DLG2: variants seen among roughly 807,000 people sequenced by gnomAD.
DLG2 encodes disks large homolog 2.
DLG2 carries 45 observed loss-of-function variants against 132.5 expected under a neutral mutation model. That is an observed-to-expected ratio of 0.34 (90% confidence interval 0.27 to 0.44). The LOEUF is 0.44. Ranked by LOEUF, DLG2 falls within the 20% of genes least tolerant of loss-of-function variation. DLG2 has a pLI of 1.00. For synonymous variants in DLG2, 424 were observed against 419.6 expected, an observed-to-expected ratio of 1.01 and a Z score of -0.13; for missense variants, 1,045 against 1,196.9, an observed-to-expected ratio of 0.87 and a Z score of 1.87.
chr11:84,441,501 C>T (rs2099017232), intron 7 of DLG2, among the ~76,000 whole-genome samples: 1 of 152,066 alleles, frequency 6.6e-6, no homozygotes, highest in African/African-American at 2.4e-5. Context: ...TATTTAACTT[C>T]AATTCAGAGG....
intron 8 of DLG2, among the ~76,000 whole-genome samples, chr11:84,185,698 G>C (rs1391174739): frequency 2.0e-5 from 3 of 152,110 alleles, no homozygotes; most frequent in African/African-American, 7.2e-5. Flanking sequence ...GTATGATATT[G>C]GCTGTGGGTT....
In DLG2 at chr11:83,753,835, GAT is replaced by G. The variant is rs1203101494; in HGVS notation, c.1825+32853_1825+32854del. Among the ~76,000 whole-genome samples, 230 of 18,348 alleles carry G rather than the reference GAT, an allele frequency of 0.013. 32 individuals carry two copies. The African/African-American group carries it at 0.13, about 10-fold the overall frequency. 12.0% of individuals were successfully genotyped at this position (18,348 alleles called of 152,430 possible). On this transcript the variant is annotated intron_variant, in intron 18 of 27. Transcript: ENST00000376104. The stretch of plus-strand genomic sequence containing the variant: ...TCATATATATATTTCATATATATAT[GAT>G]ATATATCATATATATCATATATATA...
At chr11:85,163,874 A>C (rs1396442360) in intron 4 of DLG2, among the ~76,000 whole-genome samples, 1 of 152,148 alleles carries the variant, frequency 6.6e-6, no homozygotes, top group Non-Finnish European at 1.5e-5. Flanking sequence ...AAATTGACAT[A>C]AGGCAGCTTA....
chr11:85,455,586 G>C (rs2092396178), intron 3 of DLG2, among the ~76,000 whole-genome samples: 1 of 152,038 alleles, frequency 6.6e-6, no homozygotes, highest in South Asian at 2.1e-4. Flanking sequence ...GAGAGAGGGT[G>C]TACTGGTCTC....
At chr11:83,810,852 T>G (rs532328694) in intron 17 of DLG2, among the ~76,000 whole-genome samples, 72 of 152,238 alleles carry the variant, frequency 4.7e-4, no homozygotes, top group African/African-American at 1.6e-3. Context: ...AGATAGCCTC[T>G]GTTCTTGAGG....
intron 6 of DLG2, among the ~76,000 whole-genome samples, chr11:84,984,332 T>C (rs2056186595): frequency 6.6e-6 from 1 of 152,168 alleles, no homozygotes; most frequent in African/African-American, 2.4e-5. Context: ...ATATTCAGCC[T>C]CCTTAAATAA....
intron 17 of DLG2, among the ~76,000 whole-genome samples, chr11:83,814,029 T>C (rs1426243163): frequency 2.0e-5 from 3 of 152,132 alleles, no homozygotes; most frequent in East Asian, 1.9e-4. Context: ...TATTTTTACA[T>C]TGTAGAGAAA....
intron 6 of DLG2, among the ~76,000 whole-genome samples, chr11:84,628,659 T>A (rs1469816622): frequency 6.6e-6 from 1 of 152,218 alleles, no homozygotes; most frequent in Non-Finnish European, 1.5e-5. Context: ...TTCTTGAAAC[T>A]TGCATGAATT....
rs141108544 is a variant in DLG2 at position 84,041,213 on chromosome 11, G to A, written c.919+18102C>T. On this transcript the variant is annotated intron_variant, in intron 11 of 27. Coordinates refer to ENST00000376104, the MANE Select transcript of DLG2 (RefSeq NM_001142699.3). Reference sequence around the variant, plus strand: ...ATTGTAGCTATTCTTTTGTCATTTAGATTTTTTTGGTTCGATTTTTGCCAC... The same window carrying A: ...ATTGTAGCTATTCTTTTGTCATTTAAATTTTTTTGGTTCGATTTTTGCCAC... 2.0e-5 allele frequency among the ~76,000 whole-genome samples: 3 copies of A among 151,940 alleles called. No individual in the cohort carries two copies. In the Admixed American group the frequency reaches 2.0e-4, roughly 10 times the overall value.
At chr11:85,556,757 T>C (rs2076960477) in intron 3 of DLG2, among the ~76,000 whole-genome samples, 1 of 151,820 alleles carries the variant, frequency 6.6e-6, no homozygotes, top group Admixed American at 6.6e-5. Flanking sequence ...AACAGCAAAA[T>C]GCCTCACAAT....
intron 6 of DLG2, among the ~76,000 whole-genome samples, chr11:84,711,331 A>G (rs1459219919): frequency 9.2e-4 from 12 of 13,010 alleles, no homozygotes; most frequent in African/African-American, 5.3e-3. Context: ...AGAACCAGTA[A>G]GAGAGAGAGA....
chr11:84,638,840 C>T (rs961261398), intron 6 of DLG2, among the ~76,000 whole-genome samples: 16 of 152,016 alleles, frequency 1.1e-4, no homozygotes, highest in Admixed American at 3.3e-4. Flanking sequence ...GTCAACATGC[C>T]GTTGATACTG....
intron 3 of DLG2, among the ~76,000 whole-genome samples, chr11:85,461,860 C>T (rs1185468315): frequency 6.6e-6 from 1 of 152,092 alleles, no homozygotes; most frequent in African/African-American, 2.4e-5. Context: ...TCAGAGTGAA[C>T]AGGCAACCTA....
At chr11:84,345,082 G>T (rs146382155) in intron 7 of DLG2, among the ~76,000 whole-genome samples, 1 of 152,132 alleles carries the variant, frequency 6.6e-6, no homozygotes, top group Non-Finnish European at 1.5e-5. Context: ...GGGTCCAATC[G>T]CATTAGAAAT....
chr11:84,980,021 A>G (rs1423469746), intron 6 of DLG2, among the ~76,000 whole-genome samples: 1 of 152,126 alleles, frequency 6.6e-6, no homozygotes, highest in Non-Finnish European at 1.5e-5. Context: ...AAGGTTTTCA[A>G]GGGTTTCAAA....
At chr11:85,179,497 G>A (rs1176664848) in intron 4 of DLG2, among the ~76,000 whole-genome samples, 1 of 151,608 alleles carries the variant, frequency 6.6e-6, no homozygotes, top group Non-Finnish European at 1.5e-5. Context: ...ATTTGAGAAA[G>A]ATAAATATAA....
chr11:83,532,877 T>G, intron 20 of DLG2, 94 bp from the exon 21 acceptor site: 1 of 1,009,884 alleles, frequency 9.9e-7, no homozygotes, highest in East Asian at 2.4e-5. Flanking sequence ...CTCCTATCCT[T>G]GAAGCTCAAA....
chr11:85,360,015 A>G (rs2084022309), intron 3 of DLG2, among the ~76,000 whole-genome samples: 1 of 152,088 alleles, frequency 6.6e-6, no homozygotes. Context: ...CAGCTCACAC[A>G]CCCTGCATAC....
chr11:84,273,233 C>T (rs767372444), intron 7 of DLG2: 16 of 1,562,320 alleles, frequency 1.0e-5, no homozygotes, highest in Middle Eastern at 1.7e-4. Flanking sequence ...ATTCTCAGCC[C>T]GAGAAACACT....
Sources: gnomAD v4.1 joint callset for allele counts (sites outside exome capture counted in the v4.1 genomes callset) on GRCh38, gnomAD v4.1.1 for gene constraint, MANE v1.5 for transcripts, NCBI Gene and HGNC (gene_info 2026-07-23, HGNC 2026-07-21) for gene names.